The following MAGI2 variants were observed in gnomAD, a reference collection of about 807,000 sequenced individuals.
MAGI2 encodes the protein membrane-associated guanylate kinase, WW and PDZ domain-containing protein 2.
MAGI2 carries 35 observed loss-of-function variants against 133.3 expected under a neutral mutation model. The ratio of observed to expected loss-of-function variants is 0.26; its 90% CI spans 0.20 to 0.35. MAGI2 has a LOEUF of 0.35. MAGI2 is among the 10% of genes least tolerant of loss of function. The probability of loss-of-function intolerance (pLI) is 1.00; values close to 1 mark genes in which losing one functional copy is unlikely to be tolerated. For missense variants in MAGI2, 1,636 were observed against 1,863.4 expected (o/e 0.88, Z 2.25); for synonymous variants, 729 against 710.6 (o/e 1.03, Z -0.41).
chr7:78,939,964 T>C (rs1399081236), intron 2 of MAGI2: 1 of 151,910 alleles, frequency 6.6e-6, no homozygotes, highest in African/African-American at 2.4e-5. Flanking sequence ...TCATAGAAAA[T>C]AAACACAGGC....
At chr7:78,656,816 TAAA>T (rs940713105) in intron 2 of MAGI2, among the ~76,000 whole-genome samples, 5 of 151,642 alleles carry the variant, frequency 3.3e-5, no homozygotes, top group African/African-American at 1.2e-4. Context: ...TTCAATGAAA[TAAA>T]AAAATAAGTT....
At chr7:78,986,440 A>T (rs949200110) in intron 2 of MAGI2, among the ~76,000 whole-genome samples, 2 of 152,046 alleles carry the variant, frequency 1.3e-5, no homozygotes, top group Admixed American at 6.6e-5. Context: ...TTCCTTCTCA[A>T]TAAAACCTAT....
chr7:79,324,185 T>C (rs1367165920), intron 1 of MAGI2, among the ~76,000 whole-genome samples: 5 of 151,940 alleles, frequency 3.3e-5, no homozygotes, highest in Non-Finnish European at 7.4e-5. Flanking sequence ...ATTTTTATTA[T>C]TTTCTCTTCT....
At chr7:78,223,779 G>A (rs1278984483) in intron 10 of MAGI2, among the ~76,000 whole-genome samples, 1 of 151,894 alleles carries the variant, frequency 6.6e-6, no homozygotes, top group African/African-American at 2.4e-5. Context: ...AAAGCTAGTA[G>A]AAACCCAGAA....
At chr7:78,051,273 G>T (rs1472988521) in intron 21 of MAGI2, among the ~76,000 whole-genome samples, 1 of 152,208 alleles carries the variant, frequency 6.6e-6, no homozygotes, top group Admixed American at 6.5e-5. Context: ...GCTCCGAGGT[G>T]CTGGAGAGGG....
chr7:78,511,852 T>G (rs1795609880), intron 4 of MAGI2, among the ~76,000 whole-genome samples: 1 of 151,374 alleles, frequency 6.6e-6, no homozygotes, highest in African/African-American at 2.4e-5. Context: ...TCCCAGCACT[T>G]TGGGAGGCCG....
intron 1 of MAGI2, among the ~76,000 whole-genome samples, chr7:79,309,879 C>T (rs1585519042): frequency 6.7e-6 from 1 of 149,984 alleles, no homozygotes; most frequent in East Asian, 2.0e-4. Context: ...ACCTGTAATC[C>T]CAGCACTTTG....
In MAGI2 at chr7:78,043,551, G is replaced by A. The variant is rs567124446; in HGVS notation, c.3707-23575C>T. Among the ~76,000 whole-genome samples, 8 of 152,326 alleles carry A rather than the reference G, an allele frequency of 5.3e-5. No homozygotes were observed. In the South Asian group the frequency reaches 1.7e-3, roughly 32 times the overall value. Reference sequence around the variant, plus strand: ...ATATCCACTTGAAATAACTGACAAAGCTGGATTTGGGATTCAGAGAGTCCC... The same window carrying A: ...ATATCCACTTGAAATAACTGACAAAACTGGATTTGGGATTCAGAGAGTCCC... On this transcript the variant is annotated intron_variant, in intron 21 of 21. Coordinates refer to ENST00000354212, the MANE Select transcript of MAGI2 (RefSeq NM_012301.4).
At chr7:78,482,417 C>T (rs1792491142) in intron 6 of MAGI2, among the ~76,000 whole-genome samples, 2 of 151,808 alleles carry the variant, frequency 1.3e-5, no homozygotes, top group East Asian at 1.9e-4. Flanking sequence ...GAAGTGAAAA[C>T]CTATGTTCAC....
At chr7:78,180,605 C>T (rs3779284) in intron 13 of MAGI2, among the ~76,000 whole-genome samples, 42,166 of 151,948 alleles carry the variant, frequency 0.28, 6,351 homozygotes, top group South Asian at 0.36. Flanking sequence ...TCCTGCTCTT[C>T]TTGCACATTT....
rs1554394312 is a variant in MAGI2 at position 79,171,771 on chromosome 7, T to TATATATATA, written c.302-164566_302-164565insTATATATAT. ...ATATATATATATATATATATATATA[T>TATATATATA]TTTTTTTTTTTTTTTCTTTTAAAGG... On this transcript the variant is annotated intron_variant, in intron 1 of 21. Coordinates refer to ENST00000354212, the MANE Select transcript of MAGI2 (RefSeq NM_012301.4). Among the ~76,000 whole-genome samples, 133 of 19,944 alleles carry TATATATATA rather than the reference T, an allele frequency of 6.7e-3. 1 individual carries two copies. The highest frequency in any genetic ancestry group is 0.011 in the African/African-American group (65 of 6,016). 13.1% of individuals were successfully genotyped at this position (19,944 alleles called of 152,430 possible). A position where few individuals can be genotyped will look rare whatever the true frequency, so the allele number is the denominator to read the frequency against.
intron 2 of MAGI2, among the ~76,000 whole-genome samples, chr7:78,828,311 A>C (rs1790846177): frequency 6.6e-6 from 1 of 152,254 alleles, no homozygotes; most frequent in Admixed American, 6.5e-5. Flanking sequence ...TGTGTGATCA[A>C]GTCAGCATCA....
intron 6 of MAGI2, among the ~76,000 whole-genome samples, chr7:78,457,673 G>A (rs1042059273): frequency 6.6e-6 from 1 of 152,140 alleles, no homozygotes; most frequent in African/African-American, 2.4e-5. Context: ...GAGGTAGCAG[G>A]TGGTATGTTA....
At chr7:79,160,388 G>A (rs1009999716) in intron 1 of MAGI2, among the ~76,000 whole-genome samples, 3 of 152,050 alleles carry the variant, frequency 2.0e-5, no homozygotes, top group Admixed American at 6.6e-5. Flanking sequence ...TACCAAGAGA[G>A]TAGTTGATAT....
intron 9 of MAGI2, among the ~76,000 whole-genome samples, chr7:78,304,821 G>A (rs545731095): frequency 6.6e-6 from 1 of 152,276 alleles, no homozygotes; most frequent in Admixed American, 6.5e-5. Flanking sequence ...ATCTTAAAGA[G>A]TGAGGAAAGT....
intron 1 of MAGI2, among the ~76,000 whole-genome samples, chr7:79,361,875 A>C (rs1381860370): frequency 6.6e-6 from 1 of 152,154 alleles, no homozygotes; most frequent in Non-Finnish European, 1.5e-5. Context: ...GAAGTAATAT[A>C]AATGAAAACA....
Position 78,363,448 on chromosome 7 carries a change from G to T in MAGI2, c.1103+5708C>A, listed in dbSNP as rs142452046. ...GCGGAGCCTGTGGTGAGCTGAGATC[G>T]CGCCACTGCACTCCAGCCTCGGTGA... On this transcript the variant is annotated intron_variant, in intron 7 of 21. Coordinates refer to ENST00000354212, the MANE Select transcript of MAGI2 (RefSeq NM_012301.4). Among the ~76,000 whole-genome samples the T allele has an allele frequency of 9.4e-4, 142 of 151,612 alleles. 1 individual carries two copies. The highest frequency in any genetic ancestry group is 3.1e-3 in the African/African-American group (128 of 41,352).
intron 2 of MAGI2, among the ~76,000 whole-genome samples, chr7:78,922,004 TC>T: frequency 6.6e-6 from 1 of 152,136 alleles, no homozygotes; most frequent in Non-Finnish European, 1.5e-5. Flanking sequence ...AACAAATTCT[TC>T]CTTTGGCCAT....
At chr7:78,835,538 A>AC (rs1791545664) in intron 2 of MAGI2, among the ~76,000 whole-genome samples, 1 of 152,186 alleles carries the variant, frequency 6.6e-6, no homozygotes, top group Non-Finnish European at 1.5e-5. Context: ...TGAATCTCCT[A>AC]TCTGTGAGAA....
Sources: gnomAD v4.1 joint callset for allele counts (sites outside exome capture counted in the v4.1 genomes callset) on GRCh38, gnomAD v4.1.1 for gene constraint, MANE v1.5 for transcripts, NCBI Gene and HGNC (gene_info 2026-07-23, HGNC 2026-07-21) for gene names.